The following ARFGEF3 variants were observed in gnomAD, a reference collection of about 807,000 sequenced individuals.
ARFGEF3 encodes the protein ARFGEF family member 3.
A neutral mutation model predicts 221.7 loss-of-function variants in ARFGEF3; 96 were observed. The observed-to-expected ratio is 0.43, with a 90% confidence interval of 0.37 to 0.51. The LOEUF is 0.51. ARFGEF3 is among the 20% of genes least tolerant of loss of function. ARFGEF3 has a pLI of 0.00. For missense variants in ARFGEF3, 2,410 were observed against 2,789.9 expected (o/e 0.86, Z 3.07); for synonymous variants, 1,145 against 1,126.8 (o/e 1.02, Z -0.32).
intron 2 of ARFGEF3, among the ~76,000 whole-genome samples, chr6:138,186,732 A>G (rs1777191224): frequency 6.6e-6 from 1 of 152,064 alleles, no homozygotes; most frequent in African/African-American, 2.4e-5. Context: ...GGTGCTGGAG[A>G]TATCCCCGTC....
intron 12 of ARFGEF3, among the ~76,000 whole-genome samples, chr6:138,272,272 C>G (rs1407190063): frequency 6.6e-6 from 1 of 152,212 alleles, no homozygotes; most frequent in Non-Finnish European, 1.5e-5. Flanking sequence ...TCTCCTGCCT[C>G]AGCCTCCTGA....
At chr6:138,306,399 A>G (rs1214370583) in intron 22 of ARFGEF3, among the ~76,000 whole-genome samples, 2 of 152,214 alleles carry the variant, frequency 1.3e-5, no homozygotes, top group African/African-American at 2.4e-5. Context: ...AAATTGATGT[A>G]TAGATTCAGC....
At chr6:138,224,475 G>A (rs1778043079) in intron 4 of ARFGEF3, among the ~76,000 whole-genome samples, 1 of 152,120 alleles carries the variant, frequency 6.6e-6, no homozygotes, top group Non-Finnish European at 1.5e-5. Flanking sequence ...TGACATTCAG[G>A]TGCCCAGAAC....
Position 138,294,135 on chromosome 6 carries a change from T to C in ARFGEF3, c.3502+9T>C. The C allele has an allele frequency of 6.2e-7, 1 of 1,613,234 alleles. No homozygotes were observed. The highest frequency in any genetic ancestry group is 8.5e-7 in the Non-Finnish European group (1 of 1,179,706). ...CTCTCTGGCAATGCCAGGTAATTCT[T>C]TCCCTGAATAAACCATATGCCAGGA... On this transcript the variant is annotated intron_variant, in intron 20 of 33. Coordinates refer to ENST00000251691, the MANE Select transcript of ARFGEF3 (RefSeq NM_020340.5).
At chr6:138,283,070 A>C (rs1779226968) in intron 14 of ARFGEF3, among the ~76,000 whole-genome samples, 1 of 152,136 alleles carries the variant, frequency 6.6e-6, no homozygotes, top group South Asian at 2.1e-4. Flanking sequence ...AAAAAAGAAA[A>C]GAAAAGTAAT....
intron 2 of ARFGEF3, among the ~76,000 whole-genome samples, chr6:138,175,766 C>T (rs971402386): frequency 2.0e-5 from 3 of 152,158 alleles, no homozygotes; most frequent in African/African-American, 7.2e-5. Context: ...GTCCATTTGG[C>T]TTAAAGTCCA....
At chr6:138,216,680 A>G (rs765185411) in intron 4 of ARFGEF3, 2 of 152,242 alleles carry the variant, frequency 1.3e-5, no homozygotes, top group African/African-American at 2.4e-5. Context: ...CTTGCTGCTT[A>G]TAACAGGGAG....
In ARFGEF3 at chr6:138,296,457, C is replaced by A. The variant is rs563881687; in HGVS notation, c.3503-353C>A. Among the ~76,000 whole-genome samples the A allele has an allele frequency of 8.5e-5, 13 of 152,256 alleles. No individual in the cohort carries two copies. In the South Asian group the frequency reaches 2.7e-3, roughly 32 times the overall value. On this transcript the variant is annotated intron_variant, in intron 20 of 33. Coordinates refer to ENST00000251691, the MANE Select transcript of ARFGEF3 (RefSeq NM_020340.5). ...AGATGAGATCATTAAAGAGGAAAATCTTTGGCCCAGTATAACACAACTACT... is the reference window on the plus strand; with the variant it reads ...AGATGAGATCATTAAAGAGGAAAATATTTGGCCCAGTATAACACAACTACT...
At chr6:138,213,623 C>G (rs1053704816) in intron 4 of ARFGEF3, among the ~76,000 whole-genome samples, 1 of 151,582 alleles carries the variant, frequency 6.6e-6, no homozygotes, top group East Asian at 1.9e-4. Flanking sequence ...CATGTGGAAT[C>G]GAAAAAAGTT....
chr6:138,198,016 T>C (rs1232794712), intron 2 of ARFGEF3, among the ~76,000 whole-genome samples: 1 of 152,210 alleles, frequency 6.6e-6, no homozygotes, highest in African/African-American at 2.4e-5. Flanking sequence ...CATTGGTGTA[T>C]ATTTATGTTT....
At chr6:138,208,004 G>A (rs1562353362) in intron 3 of ARFGEF3, among the ~76,000 whole-genome samples, 1 of 152,244 alleles carries the variant, frequency 6.6e-6, no homozygotes, top group East Asian at 1.9e-4. Context: ...TTAAACATTA[G>A]CAATAATGTT....
chr6:138,317,101 T>C, intron 26 of ARFGEF3, 150 bp from the exon 27 acceptor site: 7 of 706,186 alleles, frequency 9.9e-6, no homozygotes, highest in Middle Eastern at 3.6e-4. Context: ...CATCTGTTCA[T>C]GTCTATGGCC....
intron 4 of ARFGEF3, among the ~76,000 whole-genome samples, chr6:138,212,132 C>T (rs1176908643): frequency 6.6e-6 from 1 of 152,186 alleles, no homozygotes; most frequent in Non-Finnish European, 1.5e-5. Flanking sequence ...AGTCTGTATA[C>T]ATTGTGGAAT....
At chr6:138,177,110 G>A (rs2114441790) in intron 2 of ARFGEF3, among the ~76,000 whole-genome samples, 1 of 146,496 alleles carries the variant, frequency 6.8e-6, no homozygotes, top group East Asian at 2.0e-4. Flanking sequence ...TTTTTTTTGA[G>A]ACACGGTCAT....
intron 8 of ARFGEF3, among the ~76,000 whole-genome samples, chr6:138,252,697 G>T (rs918598184): frequency 2.6e-5 from 4 of 152,136 alleles, no homozygotes; most frequent in African/African-American, 9.7e-5. Context: ...TTTTAAATTA[G>T]GAGAAAGAGA....
Position 138,263,580 on chromosome 6 carries a change from TC to T in ARFGEF3, c.2098del (p.Leu700CysfsTer12), listed in dbSNP as rs1403649647. On this transcript the variant is annotated frameshift_variant, in exon 12 of 34. Coordinates refer to ENST00000251691, the MANE Select transcript of ARFGEF3 (RefSeq NM_020340.5). LOFTEE classifies it high-confidence loss of function. ...LSNVEEVDTA[L>X]QNFASTFCSG... Reference sequence around the variant, plus strand: ...CCAATGTAGAGGAGGTGGACACCGCTCTGCAGAACTTTGCCTCTACTTTCTG... The same window carrying T: ...CCAATGTAGAGGAGGTGGACACCGCTTGCAGAACTTTGCCTCTACTTTCTG... 6.2e-7 allele frequency: 1 copy of T among 1,606,692 alleles called. No individual in the cohort carries two copies. Among genetic ancestry groups the T allele is most frequent in the Non-Finnish European group, 8.5e-7 (1 of 1,176,462 alleles).
Position 138,334,540 on chromosome 6 carries a change from G to A in ARFGEF3, c.5694G>A (p.Val1898=), listed in dbSNP as rs1780285614. 3.7e-6 allele frequency: 6 copies of A among 1,613,456 alleles called. No individual in the cohort carries two copies. Among genetic ancestry groups the A allele is most frequent in the Non-Finnish European group, 8.5e-7 (1 of 1,179,866 alleles). The stretch of plus-strand genomic sequence containing the variant: ...AGCCTGTCAGCAACGCAGATTGGGT[G>A]TGGCTGGTCAAGAGGCTGCACAAGC... ...SVQPVSNADW[V]WLVKRLHKLC... is the part of the protein sequence containing the mutation. The change falls in exon 33 of 34, where the codon GTG becomes GTA. Residue 1898 remains valine, a synonymous_variant. Coordinates refer to ENST00000251691, the MANE Select transcript of ARFGEF3 (RefSeq NM_020340.5). The surrounding 1 kb of genome is among the most constrained non-coding windows in gnomAD (Gnocchi z 5.1).
chr6:138,209,557 C>A (rs1030644957), intron 3 of ARFGEF3, among the ~76,000 whole-genome samples: 2 of 152,162 alleles, frequency 1.3e-5, no homozygotes, highest in Non-Finnish European at 2.9e-5. Context: ...TCAAGCAATT[C>A]TCCTGCCTCA....
At chr6:138,312,899 G>A (rs560846998) in intron 25 of ARFGEF3, among the ~76,000 whole-genome samples, 44 of 152,202 alleles carry the variant, frequency 2.9e-4, no homozygotes, top group African/African-American at 9.6e-4. Flanking sequence ...TAGTAGAGAC[G>A]GGGTTTCGCC....
Sources: gnomAD v4.1 joint callset for allele counts (sites outside exome capture counted in the v4.1 genomes callset) on GRCh38, gnomAD v4.1.1 for gene constraint, Gnocchi (gnomAD v3.1) non-coding constraint, MANE v1.5 for transcripts, NCBI Gene and HGNC (gene_info 2026-07-23, HGNC 2026-07-21) for gene names.